Variants in ZNF385B observed in about 807,000 individuals in gnomAD.
ZNF385B encodes the protein zinc finger protein 533.
A neutral mutation model predicts 39.2 loss-of-function variants in ZNF385B; 23 were observed. The observed-to-expected ratio is 0.59, with a 90% CI of 0.42 to 0.83. ZNF385B has a LOEUF of 0.83. Among genes scored for constraint, ZNF385B ranks in the 40% least tolerant of loss-of-function variants. The pLI is 0.00. For missense variants in ZNF385B, 552 were observed against 598.9 expected (o/e 0.92, Z 0.82); for synonymous variants, 205 against 222.6 (o/e 0.92, Z 0.70).
intron 3 of ZNF385B, among the ~76,000 whole-genome samples, chr2:179,634,496 C>A (rs78989338): frequency 0.2 from 30,068 of 152,122 alleles, 4,241 homozygotes; most frequent in African/African-American, 0.4. Context: ...ATGAAAACCA[C>A]AATGAGATAC....
intron 3 of ZNF385B, among the ~76,000 whole-genome samples, chr2:179,704,640 T>G (rs902776288): frequency 3.3e-5 from 5 of 152,176 alleles, no homozygotes; most frequent in African/African-American, 1.2e-4. Flanking sequence ...ATTTCCAGCT[T>G]GAGCAGCTAT....
At chr2:179,710,101 A>G (rs1422688734) in intron 3 of ZNF385B, among the ~76,000 whole-genome samples, 1 of 152,122 alleles carries the variant, frequency 6.6e-6, no homozygotes, top group East Asian at 1.9e-4. Flanking sequence ...TGTTGATGCA[A>G]CGACTCCGGA....
In ZNF385B at chr2:179,518,658, A is replaced by C; in HGVS notation, c.442-20T>G. 6.7e-7 allele frequency: 1 copy of C among 1,488,888 alleles called. No individual in the cohort carries two copies. Among genetic ancestry groups the C allele is most frequent in the Non-Finnish European group, 9.1e-7 (1 of 1,094,600 alleles). The allele number at this position is 1,488,888 out of a possible 1,614,324, so 92.2% of individuals were successfully genotyped here. A position where few individuals can be genotyped will look rare whatever the true frequency, so the allele number is the denominator to read the frequency against. On this transcript the variant is annotated intron_variant, in intron 4 of 9. Coordinates refer to ENST00000410066, the MANE Select transcript of ZNF385B (RefSeq NM_152520.6). ...ATCCATCTGAAGAACAAATGAAAAA[A>C]TAGTCAATTTGTAACTTCAAAGAAA...
At chr2:179,501,176 T>C (rs1458712025) in intron 5 of ZNF385B, among the ~76,000 whole-genome samples, 4 of 152,084 alleles carry the variant, frequency 2.6e-5, no homozygotes, top group African/African-American at 7.2e-5. Context: ...TGGAGAACAG[T>C]TGGGAGGTTA....
At chr2:179,582,112 T>A (rs981996445) in intron 3 of ZNF385B, among the ~76,000 whole-genome samples, 1 of 152,166 alleles carries the variant, frequency 6.6e-6, no homozygotes, top group East Asian at 1.9e-4. Context: ...CATAACCACT[T>A]CGGTAGTAAG....
At chr2:179,502,274 G>A (rs2056834305) in intron 5 of ZNF385B, among the ~76,000 whole-genome samples, 1 of 152,190 alleles carries the variant, frequency 6.6e-6, no homozygotes, top group Non-Finnish European at 1.5e-5. Flanking sequence ...TAAGACTTTG[G>A]GAGACTGTTG....
intron 1 of ZNF385B, among the ~76,000 whole-genome samples, chr2:179,821,866 T>C (rs1031332638): frequency 8.5e-5 from 13 of 152,104 alleles, no homozygotes; most frequent in African/African-American, 2.9e-4. Context: ...CTGACTGCAG[T>C]GACAAAAATA....
chr2:179,822,407 A>G (rs1276668713), intron 1 of ZNF385B, among the ~76,000 whole-genome samples: 6 of 152,268 alleles, frequency 3.9e-5, no homozygotes, highest in Non-Finnish European at 7.3e-5. Flanking sequence ...AAATACTACC[A>G]TTTAATGATG....
At chr2:179,844,412 T>C (rs976673820) in intron 1 of ZNF385B, among the ~76,000 whole-genome samples, 4 of 152,194 alleles carry the variant, frequency 2.6e-5, no homozygotes, top group Non-Finnish European at 4.4e-5. Flanking sequence ...TTCTCAACTT[T>C]CTAAGCATCA....
intron 3 of ZNF385B, among the ~76,000 whole-genome samples, chr2:179,683,265 CTG>C (rs1697666412): frequency 6.6e-6 from 1 of 151,842 alleles, no homozygotes; most frequent in African/African-American, 2.4e-5. Context: ...TAGCTGGCAC[CTG>C]TAATCGCAGC....
At chr2:179,728,596 T>G in intron 3 of ZNF385B, among the ~76,000 whole-genome samples, 1 of 152,262 alleles carries the variant, frequency 6.6e-6, no homozygotes, top group East Asian at 1.9e-4. Context: ...AGTTAATATG[T>G]TTTTAGCCCA....
chr2:179,543,808 C>A (rs1385648664), intron 4 of ZNF385B, among the ~76,000 whole-genome samples: 1 of 152,144 alleles, frequency 6.6e-6, no homozygotes, highest in African/African-American at 2.4e-5. Context: ...CAGCACTAAG[C>A]CCTGACAGAG....
intron 5 of ZNF385B, among the ~76,000 whole-genome samples, chr2:179,502,328 T>G (rs2056839028): frequency 6.6e-6 from 1 of 152,106 alleles, no homozygotes; most frequent in African/African-American, 2.4e-5. Flanking sequence ...GAGATGAGAT[T>G]TGGCAGAGGC....
intron 1 of ZNF385B, among the ~76,000 whole-genome samples, chr2:179,848,038 G>A (rs1477448886): frequency 6.6e-6 from 1 of 152,118 alleles, no homozygotes; most frequent in Non-Finnish European, 1.5e-5. Context: ...AAGAGGCAAG[G>A]TCTGGAGCAA....
At chr2:179,679,752 G>C (rs1261217673) in intron 3 of ZNF385B, among the ~76,000 whole-genome samples, 1 of 152,032 alleles carries the variant, frequency 6.6e-6, no homozygotes, top group East Asian at 1.9e-4. Flanking sequence ...TTCCCACCCA[G>C]TTATGCCTTC....
chr2:179,691,418 T>A (rs1475240133), intron 3 of ZNF385B, among the ~76,000 whole-genome samples: 2 of 152,180 alleles, frequency 1.3e-5, no homozygotes, highest in Non-Finnish European at 2.9e-5. Flanking sequence ...ATGTTAAGCA[T>A]CCTGCATGCC....
chr2:179,752,821 T>A (rs1702764291), intron 3 of ZNF385B, among the ~76,000 whole-genome samples: 1 of 152,110 alleles, frequency 6.6e-6, no homozygotes, highest in Non-Finnish European at 1.5e-5. Flanking sequence ...TCTTTGTAGA[T>A]TCTGGATATT....
At chr2:179,617,979 C>T (rs1197831064) in intron 3 of ZNF385B, among the ~76,000 whole-genome samples, 3 of 152,132 alleles carry the variant, frequency 2.0e-5, no homozygotes, top group Non-Finnish European at 4.4e-5. Context: ...CCCGTGCTCA[C>T]TCTCTCTTCT....
intron 6 of ZNF385B, among the ~76,000 whole-genome samples, chr2:179,470,618 T>C (rs892506835): frequency 6.6e-6 from 1 of 152,160 alleles, no homozygotes; most frequent in Non-Finnish European, 1.5e-5. Context: ...CTGTGCAAAC[T>C]GGTTGAAGGA....
Sources: gnomAD v4.1 joint callset for allele counts (sites outside exome capture counted in the v4.1 genomes callset) on GRCh38, gnomAD v4.1.1 for gene constraint, MANE v1.5 for transcripts, NCBI Gene and HGNC (gene_info 2026-07-23, HGNC 2026-07-21) for gene names.